Variants in CRPPA observed in about 807,000 individuals in gnomAD.
The protein encoded by CRPPA is CDP-L-ribitol pyrophosphorylase A.
CRPPA carries 43 observed loss-of-function variants against 52.0 expected under a neutral mutation model. That is an observed-to-expected ratio of 0.83 (90% CI 0.65 to 1.07). CRPPA has a LOEUF of 1.07. Among genes scored for constraint, CRPPA ranks in the 50% least tolerant of loss-of-function variants. CRPPA has a pLI of 0.00. For synonymous variants in CRPPA, 250 were observed against 203.5 expected (o/e 1.23, Z -1.94); for missense variants, 629 against 551.7 (o/e 1.14, Z -1.40).
intron 9 of CRPPA, among the ~76,000 whole-genome samples, chr7:16,146,684 A>G (rs933628805): frequency 1.3e-5 from 2 of 152,216 alleles, no homozygotes; most frequent in Non-Finnish European, 2.9e-5. Context: ...GCGAAATGTT[A>G]TCTTAAAAGA....
intron 3 of CRPPA, among the ~76,000 whole-genome samples, chr7:16,337,199 C>G (rs1785704806): frequency 6.6e-6 from 1 of 152,068 alleles, no homozygotes; most frequent in Non-Finnish European, 1.5e-5. Flanking sequence ...GAACTATTCT[C>G]CAGCACAGAT....
intron 3 of CRPPA, 95 bp downstream of exon 3, chr7:16,375,997 G>A (rs189869541): frequency 2.8e-5 from 34 of 1,194,492 alleles, no homozygotes; most frequent in East Asian, 2.0e-4. Context: ...ATAACTATAC[G>A]CTCAGTCCCA....
chr7:16,286,527 C>T (rs1784453246), intron 5 of CRPPA, among the ~76,000 whole-genome samples: 1 of 151,992 alleles, frequency 6.6e-6, no homozygotes, highest in African/African-American at 2.4e-5. Context: ...TCTTCTCATG[C>T]TATACAAAGC....
chr7:16,371,036 G>T (rs926362342), intron 3 of CRPPA, among the ~76,000 whole-genome samples: 1 of 152,186 alleles, frequency 6.6e-6, no homozygotes, highest in African/African-American at 2.4e-5. Flanking sequence ...ACAGGAGTGA[G>T]GCTATGAGGT....
In CRPPA at chr7:16,249,774, A is replaced by G. The variant is rs371107196; in HGVS notation, c.1119+8616T>C. Among the ~76,000 whole-genome samples, 32 of 152,344 alleles carry G rather than the reference A, an allele frequency of 2.1e-4. No individual in the cohort carries two copies. In the South Asian group the frequency reaches 6.6e-3, roughly 32 times the overall value. On this transcript the variant is annotated intron_variant, in intron 8 of 9. Coordinates refer to ENST00000407010, the MANE Select transcript of CRPPA (RefSeq NM_001101426.4). ...TAGATAAAACCACAAAGATGGGGAG[A>G]AACCAGTGCAGAAAGGCTGAAAAGT...
intron 9 of CRPPA, among the ~76,000 whole-genome samples, chr7:16,150,502 C>A (rs1485880815): frequency 6.6e-6 from 1 of 152,048 alleles, no homozygotes; most frequent in Non-Finnish European, 1.5e-5. Context: ...TGAAGCATGG[C>A]TTTTTAATGA....
chr7:16,291,968 A>C (rs1442646281), intron 5 of CRPPA, among the ~76,000 whole-genome samples: 1 of 151,920 alleles, frequency 6.6e-6, no homozygotes, highest in Non-Finnish European at 1.5e-5. Context: ...GGAAGTAGAA[A>C]ATTTCAATTA....
intron 9 of CRPPA, among the ~76,000 whole-genome samples, chr7:16,141,039 G>T (rs1032612569): frequency 1.3e-5 from 2 of 152,090 alleles, no homozygotes; most frequent in African/African-American, 4.8e-5. Context: ...CTAAGATCTC[G>T]TTTCCTGTGT....
intron 9 of CRPPA, among the ~76,000 whole-genome samples, chr7:16,167,046 A>G (rs1035179299): frequency 3.3e-5 from 5 of 151,200 alleles, no homozygotes; most frequent in Non-Finnish European, 7.4e-5. Flanking sequence ...GTCCTGCCTC[A>G]GCCTCCCGAG....
At chr7:16,157,150 C>T (rs1447559996) in intron 9 of CRPPA, among the ~76,000 whole-genome samples, 4 of 149,736 alleles carry the variant, frequency 2.7e-5, no homozygotes, top group African/African-American at 9.8e-5. Context: ...GTTTTTGAGG[C>T]ATTGGGAAAT....
intron 3 of CRPPA, among the ~76,000 whole-genome samples, chr7:16,374,160 C>A (rs556990006): frequency 6.6e-6 from 1 of 152,106 alleles, no homozygotes; most frequent in Non-Finnish European, 1.5e-5. Context: ...GGAAAACCCA[C>A]CTTCAATGTG....
intron 5 of CRPPA, among the ~76,000 whole-genome samples, chr7:16,287,486 G>C (rs773354057): frequency 6.6e-6 from 1 of 152,158 alleles, no homozygotes; most frequent in Non-Finnish European, 1.5e-5. Flanking sequence ...GGATTGAACT[G>C]TGTTTCCCCC....
intron 2 of CRPPA, among the ~76,000 whole-genome samples, chr7:16,399,108 T>C (rs1787712942): frequency 6.6e-6 from 1 of 152,150 alleles, no homozygotes; most frequent in South Asian, 2.1e-4. Flanking sequence ...GTGATCGTCA[T>C]TTTGGGTCAG....
intron 3 of CRPPA, among the ~76,000 whole-genome samples, chr7:16,353,081 C>T (rs1338119302): frequency 6.6e-6 from 1 of 152,076 alleles, no homozygotes; most frequent in Non-Finnish European, 1.5e-5. Context: ...GTTGGCCAGG[C>T]GTGGTGGCTC....
chr7:16,297,554 T>C (rs781259714), intron 5 of CRPPA, among the ~76,000 whole-genome samples: 1 of 152,160 alleles, frequency 6.6e-6, no homozygotes, highest in South Asian at 2.1e-4. Context: ...ACATAAAAAT[T>C]AGACATTCTT....
In CRPPA at chr7:16,170,913, C is replaced by T. The variant is rs550843222; in HGVS notation, c.1251+45153G>A. ...CCCACCCGGAACTTGCACTGGCCTG[C>T]GAGCGCCCCGCTTAGCCCCGGTTCC... On this transcript the variant is annotated intron_variant, in intron 9 of 9. Transcript: ENST00000407010. Among the ~76,000 whole-genome samples, 62 of 152,328 alleles carry T rather than the reference C, an allele frequency of 4.1e-4. 1 individual carries two copies. Among genetic ancestry groups the T allele is most frequent in the Middle Eastern group, 3.4e-3 (1 of 294 alleles).
At chr7:16,399,688 C>G (rs1473130784) in intron 2 of CRPPA, among the ~76,000 whole-genome samples, 2 of 152,030 alleles carry the variant, frequency 1.3e-5, no homozygotes, top group African/African-American at 4.8e-5. Flanking sequence ...ACCAGTGACA[C>G]GTGAGCAACA....
At chr7:16,309,444 A>G (rs995226477) in intron 3 of CRPPA, among the ~76,000 whole-genome samples, 11 of 152,322 alleles carry the variant, frequency 7.2e-5, no homozygotes, top group Non-Finnish European at 1.5e-4. Context: ...GAGGTAGCTC[A>G]GTGGATAAAA....
At chr7:16,344,523 C>A (rs994883901) in intron 3 of CRPPA, among the ~76,000 whole-genome samples, 4 of 151,264 alleles carry the variant, frequency 2.6e-5, no homozygotes, top group Non-Finnish European at 4.4e-5. Context: ...ATCATGCCAA[C>A]CTGAGCAACA....
Sources: allele counts gnomAD v4.1 joint callset (sites outside exome capture counted in the v4.1 genomes callset), GRCh38; gene constraint gnomAD v4.1.1; transcripts MANE v1.5; gene names NCBI Gene and HGNC (gene_info 2026-07-23, HGNC 2026-07-21).